The following EPB41L5 variants were observed in gnomAD, a reference collection of about 807,000 sequenced individuals.
EPB41L5 encodes erythrocyte membrane protein band 4.1 like 5.
In EPB41L5, 55 loss-of-function variants were observed where a neutral mutation model predicts 106.6. The observed-to-expected ratio is 0.52, with a 90% CI of 0.42 to 0.65. The LOEUF (loss-of-function observed/expected upper bound fraction) is 0.65, where lower values mean the gene tolerates loss of function less well. Among genes scored for constraint, EPB41L5 ranks in the 30% least tolerant of loss-of-function variants. EPB41L5 has a pLI of 0.00. For synonymous variants in EPB41L5, 297 were observed against 306.7 expected (o/e 0.97, Z 0.33); for missense variants, 871 against 882.1 (o/e 0.99, Z 0.16).
rs749694785 is a variant in EPB41L5, at chr2:120,100,282, A to G, written c.1217A>G (p.Gln406Arg). 21 of 1,613,012 alleles carry G rather than the reference A, an allele frequency of 1.3e-5. No individual in the cohort carries two copies. In the East Asian group the frequency reaches 4.5e-4, roughly 34 times the overall value. The stretch of plus-strand genomic sequence containing the variant: ...GTTTCGACCCAAAGTAATGGCTCCC[A>G]ACAGGTAAGACAATACTAAGCTTCT... ...NNVSTQSNGS[Q>R]QAWGMRSALP... Residue 406 changes from glutamine (Q) to arginine (R), a missense_variant, in exon 15 of 25, where the codon CAA (glutamine) becomes CGA (arginine). Gln to Arg is a conservative substitution (Grantham distance 43). Transcript: ENST00000263713.
intron 24 of EPB41L5, among the ~76,000 whole-genome samples, chr2:120,169,625 TCTC>T (rs1315613705): frequency 2.6e-5 from 4 of 152,146 alleles, no homozygotes; most frequent in South Asian, 4.1e-4. Flanking sequence ...CCCCTTCCCT[TCTC>T]CTTCCTCCGC....
intron 4 of EPB41L5, 50 bp downstream of exon 4, chr2:120,073,270 T>G: frequency 7.1e-7 from 1 of 1,407,054 alleles, no homozygotes; most frequent in Non-Finnish European, 9.9e-7. Context: ...TAGAATATAT[T>G]AGAAATTCTG....
chr2:120,085,239 C>T (rs1340957938), intron 10 of EPB41L5, among the ~76,000 whole-genome samples: 1 of 152,066 alleles, frequency 6.6e-6, no homozygotes, highest in African/African-American at 2.4e-5. Context: ...TGTTTTTTCC[C>T]CGTCTTTGTG....
intron 21 of EPB41L5, among the ~76,000 whole-genome samples, chr2:120,161,641 G>A (rs537179710): frequency 6.6e-6 from 1 of 152,212 alleles, no homozygotes; most frequent in East Asian, 1.9e-4. Flanking sequence ...TTTACTCTAG[G>A]GCATGGGTCC....
At chr2:120,085,708 G>A (rs539255196) in intron 10 of EPB41L5, among the ~76,000 whole-genome samples, 4 of 152,248 alleles carry the variant, frequency 2.6e-5, no homozygotes, top group East Asian at 1.9e-4. Flanking sequence ...ACACCTTTAC[G>A]GTTGTCCCTT....
At position 120,065,781 on chromosome 2, in the gene EPB41L5, G is replaced by A. The variant is rs562884734; in HGVS notation, c.286-7397G>A. Among the ~76,000 whole-genome samples, 85 of 152,314 alleles carry A rather than the reference G, an allele frequency of 5.6e-4. 1 individual carries two copies. The highest frequency in any genetic ancestry group is 1.1e-3 in the Non-Finnish European group (77 of 68,026). On this transcript the variant is annotated intron_variant, in intron 3 of 24. Transcript: ENST00000263713. ...ATTGCCCGCTTTGGCCTCCCAAAGT[G>A]CTGGGATTGCAGGTGTGAGCCACCT...
intron 3 of EPB41L5, among the ~76,000 whole-genome samples, chr2:120,048,024 G>A (rs1303488491): frequency 6.6e-6 from 1 of 152,218 alleles, no homozygotes; most frequent in East Asian, 1.9e-4. Context: ...CTTGATCATG[G>A]TGGATAAGCT....
chr2:120,134,309 C>T (rs1186511348), intron 18 of EPB41L5, among the ~76,000 whole-genome samples: 1 of 152,112 alleles, frequency 6.6e-6, no homozygotes, highest in Non-Finnish European at 1.5e-5. Flanking sequence ...GTTCCCAACT[C>T]CAGGCCCTAG....
intron 2 of EPB41L5, among the ~76,000 whole-genome samples, chr2:120,026,172 A>T (rs976317018): frequency 2.0e-5 from 3 of 152,360 alleles, no homozygotes; most frequent in African/African-American, 7.2e-5. Context: ...TTAGAAAAAA[A>T]TAGGCATAAT....
At chr2:120,017,957 C>T (rs1374053995) in intron 1 of EPB41L5, among the ~76,000 whole-genome samples, 1 of 134,516 alleles carries the variant, frequency 7.4e-6, no homozygotes, top group Non-Finnish European at 1.6e-5. Flanking sequence ...CCACCACACC[C>T]GGCCAATTTT....
chr2:120,136,156 T>C (rs1476088138), intron 18 of EPB41L5, among the ~76,000 whole-genome samples: 1 of 150,948 alleles, frequency 6.6e-6, no homozygotes, highest in Non-Finnish European at 1.5e-5. Flanking sequence ...TTGTTAATTT[T>C]TTTTTTTTTT....
rs75613546 is a variant in EPB41L5 at position 120,150,048 on chromosome 2, A to G, written c.1793+3759A>G. On this transcript the variant is annotated intron_variant, in intron 20 of 24. Transcript: ENST00000263713. ...GCAGGGACTACAGGCACATGCCACC[A>G]TGCTCGGCTAAGTTTTTTTTCATTT... Among the ~76,000 whole-genome samples, 1,226 of 152,040 alleles carry G rather than the reference A, an allele frequency of 8.1e-3. 14 individuals carry two copies. Among genetic ancestry groups the G allele is most frequent in the African/African-American group, 0.028 (1,163 of 41,472 alleles).
chr2:120,129,068 T>C (rs901737540), intron 17 of EPB41L5, among the ~76,000 whole-genome samples: 1 of 152,196 alleles, frequency 6.6e-6, no homozygotes, highest in Non-Finnish European at 1.5e-5. Context: ...AAAAACTTCC[T>C]ATTGGGTGCT....
chr2:120,119,022 G>A (rs569937062), intron 16 of EPB41L5, among the ~76,000 whole-genome samples: 1 of 152,120 alleles, frequency 6.6e-6, no homozygotes, highest in East Asian at 1.9e-4. Context: ...TTTAATAATA[G>A]CCTTTCTCCA....
At chr2:120,048,096 C>G (rs1438315006) in intron 3 of EPB41L5, among the ~76,000 whole-genome samples, 3 of 137,930 alleles carry the variant, frequency 2.2e-5, no homozygotes, top group African/African-American at 8.3e-5. Flanking sequence ...CATTGATGTT[C>G]ATCAGGGATA....
intron 22 of EPB41L5, 111 bp downstream of exon 22, chr2:120,165,021 TAA>T: frequency 1.3e-6 from 1 of 781,740 alleles, no homozygotes; most frequent in Non-Finnish European, 2.0e-6. Context: ...TTTCATTTGA[TAA>T]GAGTTTATGT....
intron 2 of EPB41L5, among the ~76,000 whole-genome samples, chr2:120,039,077 A>G (rs930025923): frequency 6.6e-6 from 1 of 152,232 alleles, no homozygotes; most frequent in Non-Finnish European, 1.5e-5. Context: ...CAAGAGGACA[A>G]ATATTGTTAT....
At chr2:120,153,356 CTT>C (rs1686762161) in intron 20 of EPB41L5, among the ~76,000 whole-genome samples, 1 of 151,922 alleles carries the variant, frequency 6.6e-6, no homozygotes, top group Admixed American at 6.6e-5. Flanking sequence ...TGTGGTATGA[CTT>C]TAGTCTCTTT....
At chr2:120,070,170 A>G (rs567689954) in intron 3 of EPB41L5, among the ~76,000 whole-genome samples, 1 of 152,338 alleles carries the variant, frequency 6.6e-6, no homozygotes, top group African/African-American at 2.4e-5. Context: ...TCCCACAGAA[A>G]TACAAACTAC....
Sources: gnomAD v4.1 joint callset for allele counts (sites outside exome capture counted in the v4.1 genomes callset) on GRCh38, gnomAD v4.1.1 for gene constraint, MANE v1.5 for transcripts, NCBI Gene and HGNC (gene_info 2026-07-23, HGNC 2026-07-21) for gene names.